TFPI2: variants seen among roughly 807,000 people sequenced by gnomAD.
The protein encoded by TFPI2 is placental protein 5.
TFPI2 carries 23 observed loss-of-function variants against 23.1 expected under a neutral mutation model. The ratio of observed to expected loss-of-function variants is 1.00; its 90% CI spans 0.72 to 1.41. The LOEUF is 1.41. Among genes scored for constraint, TFPI2 ranks in the 40% most tolerant of loss-of-function variants. The pLI, the probability that TFPI2 is intolerant of heterozygous loss-of-function variation, is 0.00. For missense variants in TFPI2, 291 were observed against 299.6 expected (o/e 0.97, Z 0.21); for synonymous variants, 119 against 111.7 (o/e 1.07, Z -0.41).
At chr7:93,887,782 T>A (rs1794024929) in intron 3 of TFPI2, among the ~76,000 whole-genome samples, 1 of 152,198 alleles carries the variant, frequency 6.6e-6, no homozygotes, top group African/African-American at 2.4e-5. Context: ...GTCGTGTTGG[T>A]AGTTTTGCTT....
chr7:93,890,493 G>A, intron 1 of TFPI2, 98 bp downstream of exon 1: 1 of 1,467,804 alleles, frequency 6.8e-7, no homozygotes, highest in Non-Finnish European at 9.2e-7. Flanking sequence ...GCAGGGACCT[G>A]GAGAAAGCGA....
intron 2 of TFPI2, chr7:93,889,899 C>A (rs1584078204): frequency 2.4e-6 from 1 of 419,750 alleles, no homozygotes; most frequent in Admixed American, 4.2e-5. Context: ...ACAAATCTTT[C>A]CCTGAGTCCG....
chr7:93,890,465 CT>C, intron 1 of TFPI2, 125 bp downstream of exon 1: 1 of 1,422,496 alleles, frequency 7.0e-7, no homozygotes, highest in Non-Finnish European at 9.4e-7. Flanking sequence ...CGAGTCCCCC[CT>C]GCCAGCGGAG....
chr7:93,887,188 A>C (rs914795808), intron 4 of TFPI2, 73 bp downstream of exon 4: 111 of 1,421,710 alleles, frequency 7.8e-5, no homozygotes, highest in Non-Finnish European at 8.3e-5. Context: ...AAAATGGATA[A>C]ATAAAAATAT....
At position 93,890,747 on chromosome 7, in the gene TFPI2, G is replaced by C. The variant is rs1455966118; in HGVS notation, c.-69C>G. 14 of 1,456,066 alleles carry C rather than the reference G, an allele frequency of 9.6e-6. No individual in the cohort carries two copies. Among genetic ancestry groups the C allele is most frequent in the Non-Finnish European group, 1.3e-5 (14 of 1,062,400 alleles). 90.2% of individuals were successfully genotyped at this position (1,456,066 alleles called of 1,614,324 possible). ...AGCGCCTGGCGGGAGGAGGTGCGCGGCTTTCTGCTCCAGGCGGCCCGGGTG... is the reference window on the plus strand; with the variant it reads ...AGCGCCTGGCGGGAGGAGGTGCGCGCCTTTCTGCTCCAGGCGGCCCGGGTG... On this transcript the variant is annotated 5_prime_UTR_variant, in exon 1 of 5. Coordinates refer to ENST00000222543, the MANE Select transcript of TFPI2 (RefSeq NM_006528.4).
chr7:93,887,046 T>G, intron 4 of TFPI2, 150 bp from the exon 5 acceptor site: 1 of 757,910 alleles, frequency 1.3e-6, no homozygotes, highest in Non-Finnish European at 2.0e-6. Context: ...GTTAATAATA[T>G]TTTACCTTTA....
intron 4 of TFPI2, 28 bp from the exon 5 acceptor site, chr7:93,886,924 T>C (rs753101059): frequency 2.1e-6 from 3 of 1,458,508 alleles, no homozygotes; most frequent in Non-Finnish European, 1.8e-6. Context: ...ACAATGAAAA[T>C]CATACATCTC....
At chr7:93,886,927 T>C (rs374487547) in intron 4 of TFPI2, 31 bp from the exon 5 acceptor site, 22 of 1,449,092 alleles carry the variant, frequency 1.5e-5, no homozygotes, top group African/African-American at 4.4e-5. Context: ...ATGAAAATCA[T>C]ACATCTCCAG....
At chr7:93,888,589 G>GGAAAGAGAAAGAAAGAA (rs138314368) in intron 3 of TFPI2, among the ~76,000 whole-genome samples, 13 of 103,342 alleles carry the variant, frequency 1.3e-4, no homozygotes, top group East Asian at 9.9e-4. Context: ...AGGAAGGAAA[G>GGAAAGAGAAAGAAAGAA]AGAAAGAAAG....
intron 4 of TFPI2, 23 bp downstream of exon 4, chr7:93,887,238 T>G: frequency 6.3e-7 from 1 of 1,577,490 alleles, no homozygotes; most frequent in Non-Finnish European, 8.6e-7. Flanking sequence ...TATCTAAAGG[T>G]GGAATAAGAA....
At chr7:93,887,544 T>G in intron 3 of TFPI2, 113 bp from the exon 4 acceptor site, 1 of 771,218 alleles carries the variant, frequency 1.3e-6, no homozygotes, top group Non-Finnish European at 2.1e-6. Context: ...TCAGTCTGAA[T>G]CCAAAATATC....
Position 93,886,828 on chromosome 7 carries a change from G to A in TFPI2, c.700C>T (p.Gln234Ter). 6.4e-7 allele frequency: 1 copy of A among 1,551,842 alleles called. No individual in the cohort carries two copies. The change falls in exon 5 of 5, where the codon CAA becomes TAA. Residue 234 changes from glutamine (Q) to a stop codon, truncating the protein, a stop_gained. Coordinates refer to ENST00000222543, the MANE Select transcript of TFPI2 (RefSeq NM_006528.4). LOFTEE classifies it high-confidence loss of function. Reference protein sequence around the residue: ...ASRIRKIRKKQF With the variant: ...ASRIRKIRKK ...TGACATATTAAGAATGTTTAAAATTGCTTCTTCCGAATTTTCCGGATTCTA... is the reference window on the plus strand; with the variant it reads ...TGACATATTAAGAATGTTTAAAATTACTTCTTCCGAATTTTCCGGATTCTA...
intron 4 of TFPI2, 85 bp downstream of exon 4, chr7:93,887,176 G>T (rs1200046812): frequency 2.2e-6 from 3 of 1,351,782 alleles, no homozygotes; most frequent in Non-Finnish European, 3.0e-6. Flanking sequence ...TTTGCTATTA[G>T]TAAAATGGAT....
At chr7:93,888,996 A>T in intron 3 of TFPI2, 39 bp downstream of exon 3, 1 of 1,555,520 alleles carries the variant, frequency 6.4e-7, no homozygotes, top group South Asian at 1.2e-5. Flanking sequence ...ATGTCTTTTC[A>T]AAAAAGTGAA....
intron 1 of TFPI2, 136 bp from the exon 2 acceptor site, chr7:93,890,455 C>A: frequency 1.4e-6 from 2 of 1,404,544 alleles, no homozygotes; most frequent in Non-Finnish European, 1.9e-6. Context: ...AACTTGGGAG[C>A]GAGTCCCCCC....
In TFPI2 at chr7:93,889,123, T is replaced by G; in HGVS notation, c.372A>C (p.Lys124Asn). ...TCCGGTGACACCCACCGGAAAAGAA[T>G]TTTTCACATGTCATGGAACTTAGAT... ...FFNLSSMTCE[K>N]FFSGGCHRNR... is the part of the protein sequence containing the mutation. The change falls in exon 3 of 5, where the codon AAA becomes AAC. Residue 124 changes from lysine (K) to asparagine (N), a missense_variant. Physicochemically the swap from Lys to Asn is moderately conservative, Grantham distance 94 (BLOSUM62 0). Coordinates refer to ENST00000222543, the MANE Select transcript of TFPI2 (RefSeq NM_006528.4). The G allele has an allele frequency of 1.2e-6, 2 of 1,613,496 alleles. No homozygotes were observed. The highest frequency in any genetic ancestry group is 1.7e-6 in the Non-Finnish European group (2 of 1,179,828).
chr7:93,890,693 G>A lies in TFPI2; in HGVS notation c.-15C>T. On this transcript the variant is annotated 5_prime_UTR_variant, in exon 1 of 5. Coordinates refer to ENST00000222543, the MANE Select transcript of TFPI2 (RefSeq NM_006528.4). ...GCGGGGTCCATGGTGCAGGGGGTCG[G>A]GCGGCCCGCTGGGCAAGGCGTCCGA... 5 of 1,602,364 alleles carry A rather than the reference G, an allele frequency of 3.1e-6. 1 individual carries two copies.
rs1356132905 is a variant in TFPI2 at position 93,890,198 on chromosome 7, C to T, written c.210G>A (p.Glu70=). 1.6e-5 allele frequency: 26 copies of T among 1,613,576 alleles called. No homozygotes were observed. Among genetic ancestry groups the T allele is most frequent in the Non-Finnish European group, 2.1e-5 (25 of 1,179,622 alleles). ...SCRQFLYGGC[E]GNANNFYTWE... is the part of the protein sequence containing the mutation. ...AGGTGTAGAAATTGTTGGCGTTGCC[C>T]TCGCAGCCCCCGTACAGGAACTGGC... The change falls in exon 2 of 5, where the codon GAG becomes GAA. Residue 70 remains glutamate, a synonymous_variant. Coordinates refer to ENST00000222543, the MANE Select transcript of TFPI2 (RefSeq NM_006528.4).
At position 93,889,132 on chromosome 7, in the gene TFPI2, T is replaced by A. The variant is rs762113170; in HGVS notation, c.363A>T (p.Thr121=). 4.3e-6 allele frequency: 7 copies of A among 1,613,392 alleles called. No homozygotes were observed. In the East Asian group the frequency reaches 1.3e-4, roughly 31 times the overall value. The change falls in exon 3 of 5, where the codon ACA becomes ACT. Residue 121 remains threonine (T), a synonymous_variant. Coordinates refer to ENST00000222543, the MANE Select transcript of TFPI2 (RefSeq NM_006528.4). ...EKYFFNLSSM[T]CEKFFSGGCH... ...ACCCACCGGAAAAGAATTTTTCACA[T>A]GTCATGGAACTTAGATTAAAGAAAT...
Sources: gnomAD v4.1 joint callset for allele counts (sites outside exome capture counted in the v4.1 genomes callset) on GRCh38, gnomAD v4.1.1 for gene constraint, MANE v1.5 for transcripts, NCBI Gene and HGNC (gene_info 2026-07-23, HGNC 2026-07-21) for gene names.